KCNIP1: variants seen among roughly 807,000 people sequenced by gnomAD.
The protein encoded by KCNIP1 is A-type potassium channel modulatory protein KCNIP1.
Under a neutral mutation model 33.0 loss-of-function variants are expected in KCNIP1, and 18 were observed. The observed-to-expected ratio is 0.55, with a 90% CI of 0.38 to 0.81. The LOEUF (loss-of-function observed/expected upper bound fraction) is 0.81, where lower values mean the gene tolerates loss of function less well. Among genes scored for constraint, KCNIP1 ranks in the 30% least tolerant of loss-of-function variants. The pLI, the probability that KCNIP1 is intolerant of heterozygous loss-of-function variation, is 0.00. For synonymous variants in KCNIP1, 93 were observed against 98.3 expected (o/e 0.95, Z 0.32); for missense variants, 238 against 271.6 (o/e 0.88, Z 0.87).
At chr5:170,457,711 C>T (rs928733270) in intron 1 of KCNIP1, among the ~76,000 whole-genome samples, 9 of 152,146 alleles carry the variant, frequency 5.9e-5, no homozygotes, top group African/African-American at 2.2e-4. Context: ...GAGCCCTAGG[C>T]CTTCCATCTG....
chr5:170,719,658 T>C (rs1763751307), intron 2 of KCNIP1, among the ~76,000 whole-genome samples: 1 of 152,142 alleles, frequency 6.6e-6, no homozygotes, highest in Admixed American at 6.5e-5. Context: ...GACCACAGCC[T>C]CAATGTTCTC....
rs1249464867 is a variant in KCNIP1 at position 170,587,412 on chromosome 5, ACT to A, written c.61+82782_61+82783del. 2.7e-5 allele frequency among the ~76,000 whole-genome samples: 3 copies of A among 112,466 alleles called. No individual in the cohort carries two copies. The Admixed American group carries it at 3.3e-4, about 12-fold the overall frequency. The allele number at this position is 112,466 out of a possible 152,430, so 73.8% of individuals were successfully genotyped here. A position where few individuals can be genotyped will look rare whatever the true frequency, so the allele number is the denominator to read the frequency against. Reference sequence around the variant, plus strand: ...ACTCCAGCCTGGGCAACAGAGCGAGACTCTGTCTCAAAAAAAAAAAAAAAAAA... The same window carrying A: ...ACTCCAGCCTGGGCAACAGAGCGAGACTGTCTCAAAAAAAAAAAAAAAAAA... On this transcript the variant is annotated intron_variant, in intron 1 of 7. Transcript: ENST00000328939.
chr5:170,504,293 CCTGGGCGAGGGAA>C lies in KCNIP1; in HGVS notation c.-278_-266del. On this transcript the variant is annotated 5_prime_UTR_variant, in exon 1 of 8. It removes the in-frame stop codon of an upstream open reading frame in the 5' UTR. Coordinates refer to ENST00000328939, the MANE Select transcript of KCNIP1 (RefSeq NM_014592.4). The surrounding 1 kb of genome is among the most constrained non-coding windows in gnomAD (Gnocchi z 6.0). The stretch of plus-strand genomic sequence containing the variant: ...CAGGCTTCAGGGCACCGTCCTCGGC[CCTGGGCGAGGGAA>C]CCGCCGGGCCGGGTCCTCGCGCGGG... The C allele has an allele frequency of 7.5e-7, 1 of 1,330,944 alleles. No homozygotes were observed. The highest frequency in any genetic ancestry group is 9.6e-7 in the Non-Finnish European group (1 of 1,043,102). 82.4% of individuals were successfully genotyped at this position (1,330,944 alleles called of 1,614,324 possible).
rs527374501 is a variant in KCNIP1, at chr5:170,493,002, C to T, written c.88+139038C>T. Among the ~76,000 whole-genome samples the T allele has an allele frequency of 9.8e-5, 15 of 152,316 alleles. No homozygotes were observed. In the South Asian group the frequency reaches 3.1e-3, roughly 32 times the overall value. ...TGACCTCATGATCCAACCACCTTGA[C>T]CTCCCAAAGTGCTGGGATTACAGGC... On this transcript the variant is annotated intron_variant, in intron 1 of 7. Transcript: ENST00000377360.
chr5:170,707,518 A>C (rs576600152), intron 1 of KCNIP1, among the ~76,000 whole-genome samples: 58 of 152,362 alleles, frequency 3.8e-4, no homozygotes, highest in African/African-American at 1.4e-3. Context: ...CTTACGTCAC[A>C]TTCTATGTCG....
intron 1 of KCNIP1, among the ~76,000 whole-genome samples, chr5:170,406,794 G>C (rs1306800527): frequency 6.6e-6 from 1 of 152,156 alleles, no homozygotes; most frequent in East Asian, 1.9e-4. Flanking sequence ...CTAGAGCTTG[G>C]AGAACCCCAG....
chr5:170,390,218 A>C (rs2113359576), intron 1 of KCNIP1, among the ~76,000 whole-genome samples: 1 of 152,268 alleles, frequency 6.6e-6, no homozygotes, highest in Admixed American at 6.5e-5. Context: ...AAAAATCAGC[A>C]ACAAAGGGCA....
chr5:170,675,035 C>T (rs1325189385), intron 1 of KCNIP1, among the ~76,000 whole-genome samples: 4 of 152,022 alleles, frequency 2.6e-5, no homozygotes, highest in Middle Eastern at 3.4e-3. Context: ...GGTACAGTGG[C>T]TCCCACCTGT....
At chr5:170,396,605 TGGTGGATTCAAAGATTCAAA>T (rs1469447661) in intron 1 of KCNIP1, among the ~76,000 whole-genome samples, 5 of 152,280 alleles carry the variant, frequency 3.3e-5, no homozygotes, top group East Asian at 3.9e-4. Context: ...AAAGATTTCC[TGGTGGATTCAAAGATTCAAA>T]GGTGGATTCA....
At position 170,599,029 on chromosome 5, in the gene KCNIP1, A is replaced by G. The variant is rs187080605; in HGVS notation, c.61+94396A>G. Among the ~76,000 whole-genome samples, 82 of 152,096 alleles carry G rather than the reference A, an allele frequency of 5.4e-4. No individual in the cohort carries two copies. The Middle Eastern group carries it at 0.01, about 19-fold the overall frequency. On this transcript the variant is annotated intron_variant, in intron 1 of 7. Coordinates refer to ENST00000328939, the MANE Select transcript of KCNIP1 (RefSeq NM_014592.4). ...CCGGCCCATAAGTAAGGCAGTTTGCAGATCTCAATATCCTGTGCAGACCCA... is the reference window on the plus strand; with the variant it reads ...CCGGCCCATAAGTAAGGCAGTTTGCGGATCTCAATATCCTGTGCAGACCCA...
chr5:170,700,271 T>A (rs1249776759), intron 1 of KCNIP1, among the ~76,000 whole-genome samples: 6 of 152,140 alleles, frequency 3.9e-5, no homozygotes, highest in Non-Finnish European at 8.8e-5. Context: ...CTTGCGGTTA[T>A]GTTTAGTTCT....
intron 1 of KCNIP1, among the ~76,000 whole-genome samples, chr5:170,533,060 TTGTC>T (rs1369677020): frequency 1.3e-5 from 2 of 152,182 alleles, no homozygotes; most frequent in East Asian, 3.8e-4. Flanking sequence ...CTGCAGGTCT[TTGTC>T]TGCAGTTGTA....
intron 1 of KCNIP1, chr5:170,420,739 G>A (rs555885228): frequency 6.6e-6 from 1 of 152,254 alleles, no homozygotes; most frequent in South Asian, 2.1e-4. Context: ...AGGGTCAACT[G>A]TATATTCAAA....
At chr5:170,368,997 T>A (rs1279374725) in intron 1 of KCNIP1, among the ~76,000 whole-genome samples, 1 of 152,182 alleles carries the variant, frequency 6.6e-6, no homozygotes, top group East Asian at 1.9e-4. Context: ...CCAAATATGA[T>A]AAAATACTGA....
chr5:170,522,873 C>T (rs1340256470), intron 1 of KCNIP1, among the ~76,000 whole-genome samples: 2 of 152,234 alleles, frequency 1.3e-5, no homozygotes, highest in Non-Finnish European at 2.9e-5. Flanking sequence ...TAAAGAGGAC[C>T]TCCTGAGCCA....
chr5:170,372,914 T>C (rs998979063), intron 1 of KCNIP1, among the ~76,000 whole-genome samples: 122 of 152,134 alleles, frequency 8.0e-4, no homozygotes, highest in African/African-American at 2.9e-3. Flanking sequence ...GAGGTTGGTA[T>C]GGAATGATGG....
intron 1 of KCNIP1, among the ~76,000 whole-genome samples, chr5:170,371,590 C>G (rs922235272): frequency 7.9e-5 from 12 of 152,122 alleles, no homozygotes; most frequent in Non-Finnish European, 1.8e-4. Context: ...TTTCCTTGTG[C>G]CTCCATTGGC....
intron 1 of KCNIP1, among the ~76,000 whole-genome samples, chr5:170,548,301 TAA>T (rs893963659): frequency 1.3e-5 from 2 of 152,242 alleles, no homozygotes; most frequent in Non-Finnish European, 2.9e-5. Flanking sequence ...TCGGAAGCTT[TAA>T]TAATCAGATT....
In KCNIP1 at chr5:170,598,623, G is replaced by T. The variant is rs569997813; in HGVS notation, c.61+93990G>T. Among the ~76,000 whole-genome samples the T allele has an allele frequency of 1.2e-4, 18 of 152,298 alleles. No individual in the cohort carries two copies. The South Asian group carries it at 3.5e-3, about 30-fold the overall frequency. On this transcript the variant is annotated intron_variant, in intron 1 of 7. Transcript: ENST00000328939. The stretch of plus-strand genomic sequence containing the variant: ...GAGGCTCAGGAAACTTTTATCCAAA[G>T]ACACAGAGGAGCTGGTTGCAGAGGA...
Sources: allele counts gnomAD v4.1 joint callset (sites outside exome capture counted in the v4.1 genomes callset), GRCh38; gene constraint gnomAD v4.1.1; non-coding constraint Gnocchi (gnomAD v3.1); transcripts MANE v1.5; gene names NCBI Gene and HGNC (gene_info 2026-07-23, HGNC 2026-07-21).